AHI1: variants seen among roughly 807,000 people sequenced by gnomAD.
AHI1 encodes jouberin.
In AHI1, 123 loss-of-function variants were observed where a neutral mutation model predicts 149.3. That is an observed-to-expected ratio of 0.82 (90% CI 0.71 to 0.96). The LOEUF (loss-of-function observed/expected upper bound fraction) is 0.96, where lower values mean the gene tolerates loss of function less well. Ranked by LOEUF, AHI1 falls within the 40% of genes least tolerant of loss-of-function variation. The pLI is 0.00. For synonymous variants in AHI1, 475 were observed against 459.8 expected (o/e 1.03, Z -0.42); for missense variants, 1,439 against 1,422.7 (o/e 1.01, Z -0.18).
At chr6:135,477,956 C>G (rs936289443) in intron 5 of AHI1, among the ~76,000 whole-genome samples, 1 of 151,388 alleles carries the variant, frequency 6.6e-6, no homozygotes. Context: ...TGCCACCACA[C>G]CCGGCTAATT....
At chr6:135,494,022 A>C (rs117362280) in intron 3 of AHI1, among the ~76,000 whole-genome samples, 1 of 152,296 alleles carries the variant, frequency 6.6e-6, no homozygotes, top group East Asian at 1.9e-4. Context: ...CAGGTGATGG[A>C]GTGAGGTAAT....
In AHI1 at chr6:135,285,571, T is replaced by C; in HGVS notation, c.*74A>G. ...CTTAGTATCTGAAAATTCTGAACTC[T>C]GAAGAGAAATTCCATTTGGTTTGTC... On this transcript the variant is annotated 3_prime_UTR_variant, in exon 29 of 29. Transcript: ENST00000265602. 5 of 1,507,082 alleles carry C rather than the reference T, an allele frequency of 3.3e-6. No individual in the cohort carries two copies. In the South Asian group the frequency reaches 3.5e-5, roughly 10 times the overall value. The allele number at this position is 1,507,082 out of a possible 1,614,324, so 93.4% of individuals were successfully genotyped here. A position where few individuals can be genotyped will look rare whatever the true frequency, so the allele number is the denominator to read the frequency against.
intron 24 of AHI1, 142 bp from the exon 25 acceptor site, chr6:135,323,466 T>A (rs747741952): frequency 2.9e-5 from 22 of 758,816 alleles, no homozygotes; most frequent in Non-Finnish European, 4.1e-5. Context: ...GGTTTGCTAA[T>A]GGGATGAGGG....
At chr6:135,333,348 C>G (rs1173335532) in intron 24 of AHI1, among the ~76,000 whole-genome samples, 1 of 152,094 alleles carries the variant, frequency 6.6e-6, no homozygotes, top group African/African-American at 2.4e-5. Context: ...AATAGTGACA[C>G]TAGGACTATA....
At chr6:135,291,979 G>GTCTA (rs1782409614) in intron 27 of AHI1, among the ~76,000 whole-genome samples, 1 of 152,194 alleles carries the variant, frequency 6.6e-6, no homozygotes, top group Admixed American at 6.5e-5. Context: ...AAAGGAGGCA[G>GTCTA]TCTATCTCAG....
chr6:135,450,336 G>A (rs1787901323), intron 11 of AHI1, among the ~76,000 whole-genome samples: 1 of 152,186 alleles, frequency 6.6e-6, no homozygotes, highest in African/African-American at 2.4e-5. Flanking sequence ...AAGCTTTAGT[G>A]GCAGAGGCAA....
At chr6:135,463,041 C>A in intron 8 of AHI1, 84 bp downstream of exon 8, 1 of 1,006,444 alleles carries the variant, frequency 9.9e-7, no homozygotes, top group East Asian at 2.6e-5. Context: ...CAAGTATACC[C>A]ATCAGTTTTA....
chr6:135,363,000 TTTAA>T (rs1256950441), intron 23 of AHI1, among the ~76,000 whole-genome samples: 3 of 147,606 alleles, frequency 2.0e-5, no homozygotes, highest in Non-Finnish European at 4.5e-5. Flanking sequence ...GGGTCTTAGA[TTTAA>T]GTCTTTCATC....
chr6:135,495,165 C>T (rs751893066), intron 3 of AHI1: 2 of 145,732 alleles, frequency 1.4e-5, no homozygotes, highest in East Asian at 2.0e-4. Context: ...GTTTCCACGC[C>T]GCTATCACCT....
chr6:135,286,882 G>A (rs1032788822), intron 28 of AHI1, among the ~76,000 whole-genome samples: 3 of 151,762 alleles, frequency 2.0e-5, no homozygotes, highest in African/African-American at 7.3e-5. Context: ...ATACCACTAG[G>A]GGCAAAAAAA....
chr6:135,487,516 G>C (rs1794652282), intron 5 of AHI1, among the ~76,000 whole-genome samples: 1 of 151,902 alleles, frequency 6.6e-6, no homozygotes, highest in Admixed American at 6.6e-5. Flanking sequence ...GGTATTTTTG[G>C]ATCATAAATT....
Position 135,319,212 on chromosome 6 carries a change from C to T in AHI1, c.3329-596G>A, listed in dbSNP as rs576716937. On this transcript the variant is annotated intron_variant, in intron 25 of 28. Transcript: ENST00000265602. ...GAAAAACTAATTTGGGGGCAGGGCG[C>T]GGTGGCTCATGCCAACACTTTGGGA... is the stretch of plus-strand genomic sequence containing the variant. Among the ~76,000 whole-genome samples the T allele has an allele frequency of 7.2e-5, 11 of 152,242 alleles. No homozygotes were observed. The East Asian group carries it at 7.7e-4, about 11-fold the overall frequency.
rs184967181 is a variant in AHI1 at position 135,375,888 on chromosome 6, G to A, written c.3110-17701C>T. On this transcript the variant is annotated intron_variant, in intron 23 of 28. Transcript: ENST00000265602. ...TGATTCCAGCTCTGGGGTAGGGATA[G>A]TACCAGATGAACTTAGGACATTATA... Among the ~76,000 whole-genome samples the A allele has an allele frequency of 3.2e-3, 486 of 152,186 alleles. 5 individuals are homozygous for A. The highest frequency in any genetic ancestry group is 9.1e-3 in the African/African-American group (377 of 41,510).
intron 20 of AHI1, among the ~76,000 whole-genome samples, chr6:135,416,902 T>G (rs115389876): frequency 1.3e-5 from 2 of 152,044 alleles, no homozygotes; most frequent in South Asian, 2.1e-4. Flanking sequence ...CTAATTACTG[T>G]TTTTAAACAG....
At chr6:135,336,191 G>A (rs900526671) in intron 24 of AHI1, among the ~76,000 whole-genome samples, 5 of 150,740 alleles carry the variant, frequency 3.3e-5, no homozygotes, top group South Asian at 4.2e-4. Flanking sequence ...AGTCAATGAC[G>A]TACTGCATAT....
At chr6:135,398,521 C>T (rs1316909480) in intron 22 of AHI1, among the ~76,000 whole-genome samples, 5 of 152,098 alleles carry the variant, frequency 3.3e-5, no homozygotes, top group Non-Finnish European at 7.4e-5. Context: ...TGATTTTTGA[C>T]CCTCTGATAG....
rs141640034 is a variant in AHI1, at chr6:135,436,853, C to T, written c.2036+1522G>A. Among the ~76,000 whole-genome samples, 457 of 152,278 alleles carry T rather than the reference C, an allele frequency of 3.0e-3. 7 individuals are homozygous for T. Among genetic ancestry groups the T allele is most frequent in the Middle Eastern group, 0.014 (4 of 294 alleles). ...CTGACCTCCAGTGATCTGCCCACCT[C>T]GGCTTCCCAAAGTGCTGGGATTACA... On this transcript the variant is annotated intron_variant, in intron 15 of 28. Coordinates refer to ENST00000265602, the MANE Select transcript of AHI1 (RefSeq NM_001134831.2).
At chr6:135,325,323 G>C (rs554965825) in intron 24 of AHI1, among the ~76,000 whole-genome samples, 1 of 152,120 alleles carries the variant, frequency 6.6e-6, no homozygotes, top group African/African-American at 2.4e-5. Flanking sequence ...CACTGCGTCC[G>C]GCCACAAGTT....
At chr6:135,343,370 A>T (rs1028962447) in intron 24 of AHI1, among the ~76,000 whole-genome samples, 10 of 151,884 alleles carry the variant, frequency 6.6e-5, no homozygotes, top group African/African-American at 2.4e-4. Flanking sequence ...CCCATAAAAA[A>T]TTTTGCAAAG....
Sources: allele counts gnomAD v4.1 joint callset (sites outside exome capture counted in the v4.1 genomes callset), GRCh38; gene constraint gnomAD v4.1.1; transcripts MANE v1.5; gene names NCBI Gene and HGNC (gene_info 2026-07-23, HGNC 2026-07-21).